Variants in VWDE observed in about 807,000 individuals in gnomAD.
VWDE encodes von Willebrand factor D and EGF domain-containing protein.
A neutral mutation model predicts 178.4 loss-of-function variants in VWDE; 207 were observed. The ratio of observed to expected loss-of-function variants is 1.16; its 90% CI spans 1.04 to 1.30. The LOEUF (loss-of-function observed/expected upper bound fraction) is 1.30, where lower values mean the gene tolerates loss of function less well. Among genes scored for constraint, VWDE ranks in the 50% most tolerant of loss-of-function variants. The pLI is 0.00. For missense variants in VWDE, 2,287 were observed against 1,901.3 expected (o/e 1.20, Z -3.77); for synonymous variants, 738 against 651.4 (o/e 1.13, Z -2.02).
At position 12,356,324 on chromosome 7, in the gene VWDE, C is replaced by T; in HGVS notation, c.3532G>A (p.Val1178Met). ...AETRVTIEVT[V>M]KSCDCLNGGS... ...CCATTCAAGCAATCACAAGACTTCACAGTCACCTACAAAACAAAAAAAAAG... is the reference window on the plus strand; with the variant it reads ...CCATTCAAGCAATCACAAGACTTCATAGTCACCTACAAAACAAAAAAAAAG... The change falls in exon 18 of 29, where the codon GTG becomes ATG. Residue 1178 changes from valine to methionine, a missense_variant. By Grantham distance (21) the Val-to-Met change is conservative. Coordinates refer to ENST00000275358, the MANE Select transcript of VWDE (RefSeq NM_001135924.3). 1.3e-6 allele frequency: 2 copies of T among 1,549,964 alleles called. No homozygotes were observed. The highest frequency in any genetic ancestry group is 1.2e-5 in the South Asian group (1 of 83,762).
intron 3 of VWDE, among the ~76,000 whole-genome samples, chr7:12,388,508 T>C (rs1379232793): frequency 6.6e-6 from 1 of 152,200 alleles, no homozygotes; most frequent in East Asian, 1.9e-4. Flanking sequence ...TAATTTGTAA[T>C]TCTTTAAAGA....
chr7:12,399,283 T>C (rs899303594), intron 1 of VWDE, among the ~76,000 whole-genome samples: 1 of 152,146 alleles, frequency 6.6e-6, no homozygotes, highest in African/African-American at 2.4e-5. Flanking sequence ...GTGGCTGTAC[T>C]ACTATCAAAC....
In VWDE at chr7:12,356,347, A is replaced by T. The variant is rs1782254024; in HGVS notation, c.3526-17T>A. The T allele has an allele frequency of 2.6e-6, 4 of 1,541,110 alleles. No individual in the cohort carries two copies. Among genetic ancestry groups the T allele is most frequent in the Non-Finnish European group, 3.5e-6 (4 of 1,139,802 alleles). Reference sequence around the variant, plus strand: ...CACAGTCACCTACAAAACAAAAAAAAAGGAAATGTCTTATTTTTCAATAAA... The same window carrying T: ...CACAGTCACCTACAAAACAAAAAAATAGGAAATGTCTTATTTTTCAATAAA... On this transcript the variant is annotated splice_polypyrimidine_tract_variant and intron_variant, in intron 17 of 28. Coordinates refer to ENST00000275358, the MANE Select transcript of VWDE (RefSeq NM_001135924.3).
intron 27 of VWDE, among the ~76,000 whole-genome samples, chr7:12,333,905 A>G (rs1780870870): frequency 6.6e-6 from 1 of 152,116 alleles, no homozygotes; most frequent in Non-Finnish European, 1.5e-5. Context: ...AGAAGATAGC[A>G]TCTATAATTT....
In VWDE at chr7:12,369,964, T is replaced by C; in HGVS notation, c.2342A>G (p.Glu781Gly). The C allele has an allele frequency of 6.4e-7, 1 of 1,551,472 alleles. No individual in the cohort carries two copies. Among genetic ancestry groups the C allele is most frequent in the East Asian group, 2.4e-5 (1 of 40,896 alleles). The change falls in exon 12 of 29, where the codon GAG becomes GGG. Residue 781 changes from glutamate (E) to glycine (G), a missense_variant. Coordinates refer to ENST00000275358, the MANE Select transcript of VWDE (RefSeq NM_001135924.3). ...DLEELTYFFP[E>G]DHAEDVQQEF... Reference sequence around the variant, plus strand: ...TTGCTGTACATCCTCAGCATGGTCCTCTGGGAAAAAATAAGTAAGTTCTTC... The same window carrying C: ...TTGCTGTACATCCTCAGCATGGTCCCCTGGGAAAAAATAAGTAAGTTCTTC...
intron 19 of VWDE, among the ~76,000 whole-genome samples, chr7:12,345,870 G>C (rs1781571846): frequency 6.6e-6 from 1 of 152,114 alleles, no homozygotes; most frequent in African/African-American, 2.4e-5. Context: ...GTTGTTAGTT[G>C]TGCTCAGTAA....
At chr7:12,333,641 C>T in intron 27 of VWDE, 73 bp from the exon 28 acceptor site, 1 of 962,292 alleles carries the variant, frequency 1.0e-6, no homozygotes, top group East Asian at 2.6e-5. Context: ...TCCTAGTGGT[C>T]TGGGGCTATC....
At chr7:12,346,533 A>C (rs56885635) in intron 19 of VWDE, among the ~76,000 whole-genome samples, 2,661 of 152,140 alleles carry the variant, frequency 0.017, 71 homozygotes, top group African/African-American at 0.061. Context: ...ATAATTTTAC[A>C]AATGTGATAA....
chr7:12,383,010 T>C (rs1319749359), intron 4 of VWDE, among the ~76,000 whole-genome samples: 1 of 151,806 alleles, frequency 6.6e-6, no homozygotes, highest in Non-Finnish European at 1.5e-5. Flanking sequence ...AATACAATCG[T>C]TCCCTTAAAA....
chr7:12,402,324 T>C (rs1263804178), intron 1 of VWDE, among the ~76,000 whole-genome samples: 1 of 152,234 alleles, frequency 6.6e-6, no homozygotes, highest in Non-Finnish European at 1.5e-5. Flanking sequence ...GTGATTTGTA[T>C]GGTATATGAA....
intron 5 of VWDE, 105 bp from the exon 6 acceptor site, chr7:12,379,671 TA>T (rs1398112197): frequency 3.0e-6 from 2 of 656,702 alleles, no homozygotes; most frequent in Non-Finnish European, 4.8e-6. Context: ...AGATAGTATA[TA>T]AAGATAATAA....
Position 12,333,530 on chromosome 7 carries a change from T to C in VWDE, c.4693A>G (p.Ile1565Val), listed in dbSNP as rs1454001853. 21 of 1,551,216 alleles carry C rather than the reference T, an allele frequency of 1.4e-5. No homozygotes were observed. The highest frequency in any genetic ancestry group is 4.9e-5 in the East Asian group (2 of 40,898). Residue 1565 changes from isoleucine (I) to valine (V), a missense_variant, in exon 28 of 29, where the codon ATA becomes GTA. Ile to Val is a conservative substitution (Grantham distance 29, BLOSUM62 3). Transcript: ENST00000275358. ...NPKCLYGGRC[I>V]FPNVCSCRTE... Reference sequence around the variant, plus strand: ...CGGCAGGAACACACATTGGGAAATATGCATCTGCCTCCATAAAGACATTTT... The same window carrying C: ...CGGCAGGAACACACATTGGGAAATACGCATCTGCCTCCATAAAGACATTTT...
chr7:12,392,807 G>T, intron 2 of VWDE, among the ~76,000 whole-genome samples: 1 of 72,868 alleles, frequency 1.4e-5, no homozygotes, highest in African/African-American at 6.6e-5. Context: ...AAGTTAAGTT[G>T]CAAAAAAAAA....
At position 12,337,264 on chromosome 7, in the gene VWDE, G is replaced by T. The variant is rs1031234057; in HGVS notation, c.4375C>A (p.His1459Asn). The stretch of plus-strand genomic sequence containing the variant: ...TGGCCACCATTCTTACAGGGAGGGT[G>T]ACAGAAAGCTAAAAGAACACATGGC... Reference protein sequence around the residue: ...FGEHCQNAFCHPPCKNGGHCM... With the variant: ...FGEHCQNAFCNPPCKNGGHCM... The change falls in exon 25 of 29, where the codon CAC becomes AAC. Residue 1459 changes from histidine to asparagine, a missense_variant. Physicochemically the swap from His to Asn is moderately conservative, Grantham distance 68. Transcript: ENST00000275358. 43 of 1,551,700 alleles carry T rather than the reference G, an allele frequency of 2.8e-5. No individual in the cohort carries two copies. The highest frequency in any genetic ancestry group is 3.5e-5 in the Non-Finnish European group (40 of 1,146,976).
intron 26 of VWDE, among the ~76,000 whole-genome samples, chr7:12,336,614 A>C (rs1005803136): frequency 1.8e-4 from 27 of 152,226 alleles, no homozygotes; most frequent in Non-Finnish European, 2.9e-4. Flanking sequence ...GGAGCTAACC[A>C]GCCTGAGTGG....
intron 26 of VWDE, among the ~76,000 whole-genome samples, chr7:12,336,484 T>C (rs73290495): frequency 0.019 from 2,838 of 152,324 alleles, 82 homozygotes; most frequent in African/African-American, 0.064. Flanking sequence ...CTCCAGTTGT[T>C]GGACATCTAT....
intron 1 of VWDE, among the ~76,000 whole-genome samples, chr7:12,398,681 A>C (rs959988032): frequency 2.0e-5 from 3 of 152,244 alleles, no homozygotes; most frequent in Middle Eastern, 3.4e-3. Flanking sequence ...GCATTTCAGT[A>C]ATACATATAC....
rs151194396 is a variant in VWDE at position 12,361,231 on chromosome 7, T to A, written c.3075A>T (p.Lys1025Asn). 316 of 1,547,766 alleles carry A rather than the reference T, an allele frequency of 2.0e-4. No homozygotes were observed. In the African/African-American group the frequency reaches 3.7e-3, roughly 18 times the overall value. Residue 1025 changes from lysine (K) to asparagine (N), a missense_variant, in exon 15 of 29, where the codon AAA becomes AAT. Physicochemically the swap from Lys to Asn is moderately conservative, Grantham distance 94. Transcript: ENST00000275358. ...WQLKVSNDGY[K>N]FSNPKITVIY... ...TGACCGTTATTTTGGGATTACTGAA[T>A]TTATAACCATCATTAGATACCTGTA...
intron 19 of VWDE, among the ~76,000 whole-genome samples, chr7:12,349,486 T>A (rs1199106957): frequency 6.6e-6 from 1 of 151,340 alleles, no homozygotes; most frequent in Non-Finnish European, 1.5e-5. Flanking sequence ...AGAGAAGCTA[T>A]AAATAAAAGA....
Sources: gnomAD v4.1 joint callset for allele counts (sites outside exome capture counted in the v4.1 genomes callset) on GRCh38, gnomAD v4.1.1 for gene constraint, MANE v1.5 for transcripts, NCBI Gene and HGNC (gene_info 2026-07-23, HGNC 2026-07-21) for gene names.